The following ANXA13 variants were observed in gnomAD, a reference collection of about 807,000 sequenced individuals.
ANXA13 encodes the protein annexin XIII.
ANXA13 carries 36 observed loss-of-function variants against 46.6 expected under a neutral mutation model. That is an observed-to-expected ratio of 0.77 (90% CI 0.59 to 1.02). The LOEUF (loss-of-function observed/expected upper bound fraction) is 1.02. Among genes scored for constraint, ANXA13 ranks in the 50% least tolerant of loss-of-function variants. The pLI is 0.00. For synonymous variants in ANXA13, 163 were observed against 152.9 expected, an observed-to-expected ratio of 1.07 and a Z score of -0.49; for missense variants, 417 against 396.5, an observed-to-expected ratio of 1.05 and a Z score of -0.44.
rs2129848822 is a variant in ANXA13 at position 123,695,693 on chromosome 8, T to C, written c.386A>G (p.Gln129Arg). Residue 129 changes from glutamine (Q) to arginine (R), a missense_variant, in exon 5 of 11, where the codon CAA (glutamine) becomes CGA (arginine). Physicochemically the swap from Gln to Arg is conservative, Grantham distance 43. Transcript: ENST00000419625. ...KEIIAIKEAY[Q>R]RLFDRSLESD... Reference sequence around the variant, plus strand: ...CAGAATGAAAAGTCACTTACGCCTTTGGTAGGCCTCTTTAATGGCGATGAT... The same window carrying C: ...CAGAATGAAAAGTCACTTACGCCTTCGGTAGGCCTCTTTAATGGCGATGAT... 1.2e-6 allele frequency: 2 copies of C among 1,613,838 alleles called. No homozygotes were observed. The highest frequency in any genetic ancestry group is 1.7e-6 in the Non-Finnish European group (2 of 1,179,804).
chr8:123,714,799 T>G (rs1396757506), intron 1 of ANXA13, among the ~76,000 whole-genome samples: 3 of 152,228 alleles, frequency 2.0e-5, no homozygotes, highest in Non-Finnish European at 1.5e-5. Flanking sequence ...ACACCTGCTG[T>G]GTGCCAGGCA....
intron 2 of ANXA13, among the ~76,000 whole-genome samples, chr8:123,703,187 A>T (rs1158648495): frequency 2.6e-5 from 4 of 152,268 alleles, no homozygotes; most frequent in Non-Finnish European, 5.9e-5. Context: ...AAAGGAATAA[A>T]TTACTGATAG....
rs1813219154 is a variant in ANXA13 at position 123,690,745 on chromosome 8, T to C, written c.643-1799A>G. Reference sequence around the variant, plus strand: ...GCAGCAATGCCTGCAGGGAGGTTATTAGAGGAGCAGGGGAGACATTTCTTT... The same window carrying C: ...GCAGCAATGCCTGCAGGGAGGTTATCAGAGGAGCAGGGGAGACATTTCTTT... On this transcript the variant is annotated intron_variant, in intron 8 of 10. Transcript: ENST00000419625. This position sits in a 1 kb window ranked among gnomAD's most constrained non-coding sequence, Gnocchi z 4.6. 6.6e-6 allele frequency among the ~76,000 whole-genome samples: 1 copy of C among 152,184 alleles called. No individual in the cohort carries two copies.
rs530645998 is a variant in ANXA13 at position 123,737,193 on chromosome 8, C to T, written c.15+127G>A. 2.0e-4 allele frequency: 193 copies of T among 978,870 alleles called. No individual in the cohort carries two copies. The African/African-American group carries it at 2.9e-3, about 15-fold the overall frequency. 60.6% of individuals were successfully genotyped at this position (978,870 alleles called of 1,614,324 possible). A position where few individuals can be genotyped will look rare whatever the true frequency, so the allele number is the denominator to read the frequency against. ...ATTTTAAAAGCATGGTATGCTGTTG[C>T]TAAAACCAATATTAAAGGGTAACCA... On this transcript the variant is annotated intron_variant, in intron 1 of 10. Coordinates refer to ENST00000419625, the MANE Select transcript of ANXA13 (RefSeq NM_004306.4).
At position 123,693,268 on chromosome 8, in the gene ANXA13, G is replaced by T; in HGVS notation, c.571C>A (p.Leu191Ile). The change falls in exon 8 of 11, where the codon CTT becomes ATT. Residue 191 changes from leucine to isoleucine, a missense_variant. Leu to Ile is a conservative substitution (Grantham distance 5). Transcript: ENST00000419625. ...AGEGRWGTDE[L>I]AFNEVLAKRS... ...TTGGCCAGGACTTCATTGAACGCAA[G>T]CTCATCAGTGCCCCAGCGGCCTTCC... 6.2e-7 allele frequency: 1 copy of T among 1,614,178 alleles called. No individual in the cohort carries two copies. The highest frequency in any genetic ancestry group is 8.5e-7 in the Non-Finnish European group (1 of 1,180,028).
Position 123,702,677 on chromosome 8 carries a change from G to T in ANXA13, c.151C>A (p.Gln51Lys). The T allele has an allele frequency of 1.9e-6, 3 of 1,614,028 alleles. No homozygotes were observed. Among genetic ancestry groups the T allele is most frequent in the Non-Finnish European group, 2.5e-6 (3 of 1,179,992 alleles). ...LSGRTSDERQ[Q>K]IKQKYKATYG... ...GTTGCCTTGTACTTTTGCTTGATTT[G>T]TTGCCTCTCATCTGATGTCCTGCCC... The change falls in exon 3 of 11, where the codon CAA becomes AAA. Residue 51 changes from glutamine (Q) to lysine (K), a missense_variant. Transcript: ENST00000419625.
intron 3 of ANXA13, 86 bp from the exon 4 acceptor site, chr8:123,698,645 G>A (rs1310940046): frequency 1.4e-6 from 2 of 1,425,270 alleles, no homozygotes; most frequent in African/African-American, 2.8e-5. Context: ...AGTGCTCATA[G>A]TTGACAAGAA....
chr8:123,734,847 T>C (rs984421279), intron 1 of ANXA13, among the ~76,000 whole-genome samples: 31 of 150,778 alleles, frequency 2.1e-4, no homozygotes, highest in Non-Finnish European at 3.7e-4. Flanking sequence ...GTATTTACGA[T>C]TGTTTATATG....
chr8:123,731,541 G>A (rs56247604), intron 1 of ANXA13, among the ~76,000 whole-genome samples: 9,435 of 152,204 alleles, frequency 0.062, 942 homozygotes, highest in African/African-American at 0.21. Flanking sequence ...TCTACCTTCA[G>A]GAAACCATCA....
Position 123,690,227 on chromosome 8 carries a change from T to C in ANXA13, c.643-1281A>G, listed in dbSNP as rs1422407895. On this transcript the variant is annotated intron_variant, in intron 8 of 10. Coordinates refer to ENST00000419625, the MANE Select transcript of ANXA13 (RefSeq NM_004306.4). This position sits in a 1 kb window ranked among gnomAD's most constrained non-coding sequence, Gnocchi z 4.6. ...ACATTTTGTTCACACAGGTCTTGTT[T>C]ACTTTAAAAAATCCTCACATTAAAC... 6.6e-6 allele frequency among the ~76,000 whole-genome samples: 1 copy of C among 152,228 alleles called. No individual in the cohort carries two copies. Among genetic ancestry groups the C allele is most frequent in the African/African-American group, 2.4e-5 (1 of 41,462 alleles).
chr8:123,733,153 A>T (rs1338863497), intron 1 of ANXA13, among the ~76,000 whole-genome samples: 1 of 152,088 alleles, frequency 6.6e-6, no homozygotes, highest in African/African-American at 2.4e-5. Flanking sequence ...ACAGAGCAAG[A>T]CCCTGTCTCA....
chr8:123,685,944 C>T (rs1305668454), intron 9 of ANXA13, among the ~76,000 whole-genome samples: 1 of 152,158 alleles, frequency 6.6e-6, no homozygotes, highest in African/African-American at 2.4e-5. Flanking sequence ...CCTGAAAATC[C>T]TCTTCCATAC....
chr8:123,727,462 T>A (rs892793309), intron 1 of ANXA13, among the ~76,000 whole-genome samples: 5 of 152,122 alleles, frequency 3.3e-5, no homozygotes, highest in African/African-American at 1.2e-4. Context: ...TGTTTTCCCA[T>A]TTAAGCGGTG....
Position 123,698,328 on chromosome 8 carries a change from G to A in ANXA13, c.357+61C>T, listed in dbSNP as rs1257393484. 1.9e-6 allele frequency: 3 copies of A among 1,570,198 alleles called. No homozygotes were observed. The African/African-American group carries it at 4.1e-5, about 21-fold the overall frequency. On this transcript the variant is annotated intron_variant, in intron 4 of 10. Transcript: ENST00000419625. ...TGCTGGGAAGTAGGGTCCCTTCTGGGGGGCTGCAACCATCTCTATTGGGTG... is the reference window on the plus strand; with the variant it reads ...TGCTGGGAAGTAGGGTCCCTTCTGGAGGGCTGCAACCATCTCTATTGGGTG...
intron 10 of ANXA13, among the ~76,000 whole-genome samples, chr8:123,683,114 GA>G (rs1179781028): frequency 2.0e-5 from 3 of 152,110 alleles, no homozygotes; most frequent in Non-Finnish European, 4.4e-5. Flanking sequence ...GACCTGGAGA[GA>G]AAGGAGGGAG....
chr8:123,714,336 G>A (rs933789886), intron 1 of ANXA13, among the ~76,000 whole-genome samples: 2 of 152,146 alleles, frequency 1.3e-5, no homozygotes, highest in Non-Finnish European at 2.9e-5. Context: ...GTCAATTAGA[G>A]TCTTTCCCTT....
chr8:123,702,693 T>C lies in ANXA13; in HGVS notation c.135A>G (p.Thr45=). The change falls in exon 3 of 11, where the codon ACA becomes ACG. Residue 45 remains threonine, a synonymous_variant. Transcript: ENST00000419625. The stretch of plus-strand genomic sequence containing the variant: ...GCTTGATTTGTTGCCTCTCATCTGA[T>C]GTCCTGCCCGATAAGATTTCAATGA... ...AAIIEILSGR[T]SDERQQIKQK... The C allele has an allele frequency of 6.2e-7, 1 of 1,614,168 alleles. No individual in the cohort carries two copies. Among genetic ancestry groups the C allele is most frequent in the Non-Finnish European group, 8.5e-7 (1 of 1,180,018 alleles).
intron 1 of ANXA13, among the ~76,000 whole-genome samples, chr8:123,714,156 C>T (rs1813716429): frequency 6.6e-6 from 1 of 152,188 alleles, no homozygotes; most frequent in South Asian, 2.1e-4. Context: ...TGCATGGCAT[C>T]CTTATTCTCC....
At chr8:123,721,481 A>G (rs1480647208) in intron 1 of ANXA13, among the ~76,000 whole-genome samples, 1 of 152,176 alleles carries the variant, frequency 6.6e-6, no homozygotes, top group East Asian at 1.9e-4. Flanking sequence ...AGCGCTTGGC[A>G]GGATATTCAA....
Sources: allele counts gnomAD v4.1 joint callset (sites outside exome capture counted in the v4.1 genomes callset), GRCh38; gene constraint gnomAD v4.1.1; non-coding constraint Gnocchi (gnomAD v3.1); transcripts MANE v1.5; gene names NCBI Gene and HGNC (gene_info 2026-07-23, HGNC 2026-07-21).